The following CHD5 variants were observed in gnomAD, a reference collection of about 807,000 sequenced individuals.
The protein encoded by CHD5 is chromodomain helicase DNA binding protein 5.
CHD5 carries 69 observed loss-of-function variants against 230.3 expected under a neutral mutation model. That is an observed-to-expected ratio of 0.30 (90% CI 0.25 to 0.37). The LOEUF (loss-of-function observed/expected upper bound fraction) is 0.37. Among genes scored for constraint, CHD5 ranks in the 10% least tolerant of loss-of-function variants. CHD5 has a pLI of 1.00. For missense variants in CHD5, 1,827 were observed against 2,622.8 expected, an observed-to-expected ratio of 0.70 and a Z score of 6.63; for synonymous variants, 1,064 against 1,065.9, an observed-to-expected ratio of 1.00 and a Z score of 0.03.
At position 6,143,931 on chromosome 1, in the gene CHD5, C is replaced by T; in HGVS notation, c.1935G>A (p.Arg645=). 3.1e-6 allele frequency: 5 copies of T among 1,614,132 alleles called. No individual in the cohort carries two copies. Among genetic ancestry groups the T allele is most frequent in the Non-Finnish European group, 4.2e-6 (5 of 1,180,018 alleles). ...DNLKQAYWGH[R]ELMLGEDTRL... ...TGGTGTCTTCTCCCAGCATCAGCTC[C>T]CTGGGAAACGGCATTGGAGGCAGGT... The change falls in exon 13 of 42, where the codon AGG becomes AGA. Residue 645 remains arginine (R), a splice_region_variant and synonymous_variant. Transcript: ENST00000262450.
At chr1:6,135,433 G>A (rs2250504) in intron 17 of CHD5, 30 bp from the exon 18 acceptor site, 676,925 of 1,577,624 alleles carry the variant, frequency 0.43, 152,587 homozygotes, top group East Asian at 0.83. Flanking sequence ...TAACAGCCAG[G>A]AGCAGAGGAC....
chr1:6,112,818 G>A (rs1377279607), intron 34 of CHD5, 91 bp downstream of exon 34: 26 of 954,272 alleles, frequency 2.7e-5, no homozygotes, highest in Admixed American at 4.6e-5. Context: ...AGGGGACGGC[G>A]CCTGGGAGAC....
intron 33 of CHD5, among the ~76,000 whole-genome samples, chr1:6,119,144 T>G (rs1411557654): frequency 1.3e-5 from 2 of 148,910 alleles, no homozygotes; most frequent in Admixed American, 6.7e-5. Flanking sequence ...TCAGCAAAAA[T>G]AAACTTTTTT....
chr1:6,105,349 C>T lies in CHD5; in HGVS notation c.*125G>A, dbSNP rs567662166. ...GGCATTACTAGGTTTCCCTTTTTGT[C>T]CCAAGGTGGCGCTGGCTCCTAAAAA... On this transcript the variant is annotated 3_prime_UTR_variant, in exon 42 of 42. Transcript: ENST00000262450. This position sits in a 1 kb window ranked among gnomAD's most constrained non-coding sequence, Gnocchi z 4.8. 2.2e-4 allele frequency: 104 copies of T among 466,556 alleles called. 2 individuals carry two copies. The highest frequency in any genetic ancestry group is 1.6e-3 in the South Asian group (100 of 63,896). The allele number at this position is 466,556 out of a possible 1,614,324, so 28.9% of individuals were successfully genotyped here.
rs1045935511 is a variant in CHD5, at chr1:6,167,907, G to A, written c.207+243C>T. On this transcript the variant is annotated intron_variant, in intron 2 of 41. Coordinates refer to ENST00000262450, the MANE Select transcript of CHD5 (RefSeq NM_015557.3). This position sits in a 1 kb window ranked among gnomAD's most constrained non-coding sequence, Gnocchi z 4.5. Reference sequence around the variant, plus strand: ...TCCCTCGCACAGGATAGGACAACGGGAGGAAGGAAAAATGACGCTCCGACA... The same window carrying A: ...TCCCTCGCACAGGATAGGACAACGGAAGGAAGGAAAAATGACGCTCCGACA... Among the ~76,000 whole-genome samples the A allele has an allele frequency of 6.6e-6, 1 of 152,326 alleles. No homozygotes were observed. Among genetic ancestry groups the A allele is most frequent in the Non-Finnish European group, 1.5e-5 (1 of 68,030 alleles).
At chr1:6,106,870 G>T (rs1027225457) in intron 38 of CHD5, 91 bp from the exon 39 acceptor site, 2 of 917,644 alleles carry the variant, frequency 2.2e-6, no homozygotes, top group Non-Finnish European at 3.2e-6. Context: ...AGGGGTGGAG[G>T]GGTGGAGGGG....
At chr1:6,151,518 T>C (rs996679572) in intron 6 of CHD5, among the ~76,000 whole-genome samples, 1 of 152,220 alleles carries the variant, frequency 6.6e-6, no homozygotes, top group Non-Finnish European at 1.5e-5. Context: ...CTGGACCTAC[T>C]GTGGCTGCGT....
chr1:6,178,011 A>T (rs1667451814), intron 1 of CHD5, among the ~76,000 whole-genome samples: 1 of 152,102 alleles, frequency 6.6e-6, no homozygotes, highest in Non-Finnish European at 1.5e-5. Context: ...GACCGGCAGG[A>T]GGGGACAGAG....
rs545749338 is a variant in CHD5 at position 6,128,752 on chromosome 1, G to T, written c.3619+86C>A. On this transcript the variant is annotated intron_variant, in intron 23 of 41. Transcript: ENST00000262450. The surrounding 1 kb of genome is among the most constrained non-coding windows in gnomAD (Gnocchi z 7.8). ...CAGAAGAGAGGCTGTGTGTTGGAGC[G>T]GGCAGGGACCCAAGCAAGCCCTGGA... 4 of 1,299,918 alleles carry T rather than the reference G, an allele frequency of 3.1e-6. No homozygotes were observed. The highest frequency in any genetic ancestry group is 3.3e-6 in the Non-Finnish European group (3 of 913,966). The allele number at this position is 1,299,918 out of a possible 1,614,324, so 80.5% of individuals were successfully genotyped here.
Position 6,106,432 on chromosome 1 carries a change from G to C in CHD5, c.5820C>G (p.Val1940=), listed in dbSNP as rs536832382. Residue 1940 remains valine (V), a synonymous_variant, in exon 40 of 42, where the codon GTC becomes GTG. Coordinates refer to ENST00000262450, the MANE Select transcript of CHD5 (RefSeq NM_015557.3). ...NFRGPGPGGI[V]NYNQMPLGPY... ...GCCCCAGGGGCATCTGGTTGTAGTT[G>C]ACAATCCCTCCCGGTCCAGGGCCCC... 3 of 1,582,156 alleles carry C rather than the reference G, an allele frequency of 1.9e-6. No homozygotes were observed. Among genetic ancestry groups the C allele is most frequent in the Admixed American group, 1.8e-5 (1 of 54,600 alleles).
At chr1:6,175,962 T>C (rs1430759720) in intron 1 of CHD5, among the ~76,000 whole-genome samples, 2 of 151,466 alleles carry the variant, frequency 1.3e-5, no homozygotes, top group Non-Finnish European at 2.9e-5. Context: ...GGTTACTTGG[T>C]TGGTTTTGTA....
chr1:6,113,130 A>T (rs1207956720), intron 33 of CHD5, 132 bp from the exon 34 acceptor site: 2 of 682,244 alleles, frequency 2.9e-6, no homozygotes, highest in East Asian at 5.2e-5. Context: ...TGCCACCAAA[A>T]AGAGCTCTCC....
chr1:6,153,879 G>A (rs1442584360), intron 5 of CHD5, among the ~76,000 whole-genome samples: 1 of 151,390 alleles, frequency 6.6e-6, no homozygotes, highest in Non-Finnish European at 1.5e-5. Flanking sequence ...GGAAAGCTGA[G>A]CTGCAGGTGA....
At position 6,128,830 on chromosome 1, in the gene CHD5, A is replaced by C; in HGVS notation, c.3619+8T>G. The C allele has an allele frequency of 6.2e-7, 1 of 1,603,116 alleles. No individual in the cohort carries two copies. The highest frequency in any genetic ancestry group is 8.5e-7 in the Non-Finnish European group (1 of 1,171,556). On this transcript the variant is annotated splice_region_variant and intron_variant, in intron 23 of 41. Coordinates refer to ENST00000262450, the MANE Select transcript of CHD5 (RefSeq NM_015557.3). This position sits in a 1 kb window ranked among gnomAD's most constrained non-coding sequence, Gnocchi z 7.8. ...CCCCTGCCACGCTCCCTCGGAACAG[A>C]GGCCCACCCTCCACGTCGTCCTTGA...
At chr1:6,178,382 G>C (rs1667457543) in intron 1 of CHD5, among the ~76,000 whole-genome samples, 1 of 152,156 alleles carries the variant, frequency 6.6e-6, no homozygotes, top group Non-Finnish European at 1.5e-5. Context: ...CCACCAGCGG[G>C]TCGGTGCAAC....
At chr1:6,144,183 G>A (rs199827029) in intron 11 of CHD5, 28 bp from the exon 12 acceptor site, 113 of 1,613,482 alleles carry the variant, frequency 7.0e-5, no homozygotes, top group African/African-American at 1.1e-4. Context: ...GATGTGGGTC[G>A]CTCAGAGCAG....
chr1:6,159,344 A>G lies in CHD5; in HGVS notation c.379T>C (p.Cys127Arg). 4 of 1,551,606 alleles carry G rather than the reference A, an allele frequency of 2.6e-6. No individual in the cohort carries two copies. Among genetic ancestry groups the G allele is most frequent in the Non-Finnish European group, 3.5e-6 (4 of 1,146,962 alleles). ...DEDEDDNDDG[C>R]LKEPKSSGQL... ...CAGGCCTCCACAGTTACCTTTAAGC[A>G]TCCATCATCATTATCATCCTCATCC... The change falls in exon 3 of 42, where the codon TGC becomes CGC. Residue 127 changes from cysteine (C) to arginine (R), a missense_variant. Around this residue, in one of 14 missense-constraint regions of CHD5, gnomAD observed 657 missense variants for 816.4 expected, o/e 0.80. Coordinates refer to ENST00000262450, the MANE Select transcript of CHD5 (RefSeq NM_015557.3).
chr1:6,180,060 C>G lies in CHD5; in HGVS notation c.-37G>C. 4 of 1,182,872 alleles carry G rather than the reference C, an allele frequency of 3.4e-6. No homozygotes were observed. The highest frequency in any genetic ancestry group is 4.3e-6 in the Non-Finnish European group (4 of 928,738). The allele number at this position is 1,182,872 out of a possible 1,614,324, so 73.3% of individuals were successfully genotyped here. A position where few individuals can be genotyped will look rare whatever the true frequency, so the allele number is the denominator to read the frequency against. ...GGAGGAGGGGAGGTGGGCGCCCCCC[C>G]TCCCGCCGGGCGCGGTGCCAGCCTT... On this transcript the variant is annotated 5_prime_UTR_variant, in exon 1 of 42. Coordinates refer to ENST00000262450, the MANE Select transcript of CHD5 (RefSeq NM_015557.3).
At chr1:6,159,542 C>T (rs1667134759) in intron 2 of CHD5, 27 bp from the exon 3 acceptor site, 2 of 1,578,524 alleles carry the variant, frequency 1.3e-6, no homozygotes, top group Non-Finnish European at 8.6e-7. Flanking sequence ...ACAGTGAGGG[C>T]AACAGAGGCC....
Sources: gnomAD v4.1 joint callset for allele counts (sites outside exome capture counted in the v4.1 genomes callset) on GRCh38, gnomAD v4.1.1 for gene constraint, gnomAD v4.1.1 regional missense constraint, Gnocchi (gnomAD v3.1) non-coding constraint, MANE v1.5 for transcripts, NCBI Gene and HGNC (gene_info 2026-07-23, HGNC 2026-07-21) for gene names.